SLC22A7: variants seen among roughly 807,000 people sequenced by gnomAD.
SLC22A7 encodes hOAT2.
SLC22A7 carries 48 observed loss-of-function variants against 62.2 expected under a neutral mutation model. The ratio of observed to expected loss-of-function variants is 0.77; its 90% CI spans 0.61 to 0.98. SLC22A7 has a LOEUF of 0.98. Among genes scored for constraint, SLC22A7 ranks in the 50% least tolerant of loss-of-function variants. The probability of loss-of-function intolerance (pLI) is 0.00; values close to 1 mark genes in which losing one functional copy is unlikely to be tolerated. For missense variants in SLC22A7, 581 were observed against 703.8 expected (o/e 0.83, Z 1.97); for synonymous variants, 276 against 314.8 (o/e 0.88, Z 1.30).
At chr6:43,296,361 T>C (rs1266007825), upstream of SLC22A7, among the ~76,000 whole-genome samples, 1 of 152,270 alleles carries the variant, frequency 6.6e-6, no homozygotes, top group Admixed American at 6.5e-5. Flanking sequence ...TTGGCCTCGT[T>C]AGCTGTCTTC....
chr6:43,297,400 A>G (rs1210262926), upstream of SLC22A7, among the ~76,000 whole-genome samples: 1 of 152,250 alleles, frequency 6.6e-6, no homozygotes, highest in Non-Finnish European at 1.5e-5. Flanking sequence ...TCAGATGAGA[A>G]TAAACCAGAC....
rs777640999 is a variant in SLC22A7 at position 43,299,135 on chromosome 6, G to A, written c.399+38G>A. ...ATAATCCATCTGGAGGTGGAATGTC[G>A]GTGGAGGCAGTCTCCCTGGGAGGCA... On this transcript the variant is annotated intron_variant, in intron 2 of 10. Coordinates refer to ENST00000372585, the MANE Select transcript of SLC22A7 (RefSeq NM_153320.2). The surrounding 1 kb of genome is among the most constrained non-coding windows in gnomAD (Gnocchi z 4.4). 34 of 1,613,880 alleles carry A rather than the reference G, an allele frequency of 2.1e-5. No individual in the cohort carries two copies. The highest frequency in any genetic ancestry group is 1.2e-4 in the South Asian group (11 of 91,066).
chr6:43,302,591 C>A lies in SLC22A7; in HGVS notation c.1277-64C>A. The A allele has an allele frequency of 7.6e-7, 1 of 1,320,466 alleles. No individual in the cohort carries two copies. Among genetic ancestry groups the A allele is most frequent in the Non-Finnish European group, 1.1e-6 (1 of 937,132 alleles). 81.8% of individuals were successfully genotyped at this position (1,320,466 alleles called of 1,614,324 possible). On this transcript the variant is annotated intron_variant, in intron 8 of 10. Coordinates refer to ENST00000372585, the MANE Select transcript of SLC22A7 (RefSeq NM_153320.2). The surrounding 1 kb of genome is among the most constrained non-coding windows in gnomAD (Gnocchi z 5.0). ...TGGCCCACTCTGGAGACTCCGCACC[C>A]TATCCAGAACACCCCTGGCTCTCCT...
Position 43,302,910 on chromosome 6 carries a change from T to G in SLC22A7, c.1385+147T>G, listed in dbSNP as rs1778805879. ...TTGGTAGAGACGGGGTCTTGCTATA[T>G]TACCCAGACTGGTCTCAAACTCCTG... is the stretch of plus-strand genomic sequence containing the variant. On this transcript the variant is annotated intron_variant, in intron 9 of 10. Transcript: ENST00000372585. This position sits in a 1 kb window ranked among gnomAD's most constrained non-coding sequence, Gnocchi z 5.0. The G allele has an allele frequency of 3.0e-6, 2 of 668,374 alleles. No individual in the cohort carries two copies. The highest frequency in any genetic ancestry group is 3.6e-5 in the African/African-American group (2 of 54,962). 41.4% of individuals were successfully genotyped at this position (668,374 alleles called of 1,614,324 possible).
At chr6:43,298,773 G>C (rs1434672352) in intron 1 of SLC22A7, 22 bp downstream of exon 1, 9 of 1,515,134 alleles carry the variant, frequency 5.9e-6, no homozygotes, top group Non-Finnish European at 6.2e-6. Context: ...CAGAAGTTGA[G>C]AGACATGTGA....
In SLC22A7 at chr6:43,299,246, C is replaced by A; in HGVS notation, c.400-144C>A. 2 of 1,608,898 alleles carry A rather than the reference C, an allele frequency of 1.2e-6. No individual in the cohort carries two copies. Among genetic ancestry groups the A allele is most frequent in the South Asian group, 1.1e-5 (1 of 90,364 alleles). Reference sequence around the variant, plus strand: ...TCCTATTCCCCAAGCTGGCGTGAATCGTTGGGAGGTTTATTATCTGGCATG... The same window carrying A: ...TCCTATTCCCCAAGCTGGCGTGAATAGTTGGGAGGTTTATTATCTGGCATG... On this transcript the variant is annotated intron_variant, in intron 2 of 10. Coordinates refer to ENST00000372585, the MANE Select transcript of SLC22A7 (RefSeq NM_153320.2). This position sits in a 1 kb window ranked among gnomAD's most constrained non-coding sequence, Gnocchi z 4.4.
chr6:43,299,404 T>C lies in SLC22A7; in HGVS notation c.414T>C (p.Cys138=). The part of the protein sequence containing the change: ...IATESQWDLV[C]EQKGLNRAAS... ...TGTCCTTGCAGTGGGATCTGGTGTGTGAGCAGAAAGGTCTGAACAGAGCTG... is the reference window on the plus strand; with the variant it reads ...TGTCCTTGCAGTGGGATCTGGTGTGCGAGCAGAAAGGTCTGAACAGAGCTG... Residue 138 remains cysteine, a synonymous_variant, in exon 3 of 11, where the codon TGT becomes TGC. Coordinates refer to ENST00000372585, the MANE Select transcript of SLC22A7 (RefSeq NM_153320.2). The surrounding 1 kb of genome is among the most constrained non-coding windows in gnomAD (Gnocchi z 4.4). 1 of 1,614,202 alleles carries C rather than the reference T, an allele frequency of 6.2e-7. No homozygotes were observed. Among genetic ancestry groups the C allele is most frequent in the East Asian group, 2.2e-5 (1 of 44,890 alleles).
rs559761002 is a variant in SLC22A7, at chr6:43,302,792, T to C, written c.1385+29T>C. 32 of 1,462,182 alleles carry C rather than the reference T, an allele frequency of 2.2e-5. No homozygotes were observed. Among genetic ancestry groups the C allele is most frequent in the Non-Finnish European group, 2.9e-5 (30 of 1,050,166 alleles). 90.6% of individuals were successfully genotyped at this position (1,462,182 alleles called of 1,614,324 possible). ...AGGAAGCCTGCAACTGATCTGGGGG[T>C]ATGGGGCTTGTTAGTCACGTGTCTT... is the stretch of plus-strand genomic sequence containing the variant. On this transcript the variant is annotated intron_variant, in intron 9 of 10. Coordinates refer to ENST00000372585, the MANE Select transcript of SLC22A7 (RefSeq NM_153320.2). The surrounding 1 kb of genome is among the most constrained non-coding windows in gnomAD (Gnocchi z 5.0).
chr6:43,301,153 A>C lies in SLC22A7; in HGVS notation c.846A>C (p.Ala282=), dbSNP rs920491791. ...TTCCTAGGTGGGTGCCTGAGTCTGCACGCTGGCTTCTGACCCAAGGCCATG... is the reference window on the plus strand; with the variant it reads ...TTCCTAGGTGGGTGCCTGAGTCTGCCCGCTGGCTTCTGACCCAAGGCCATG... ...ILSLWWVPES[A]RWLLTQGHVK... The change falls in exon 6 of 11, where the codon GCA becomes GCC. Residue 282 remains alanine (A), a synonymous_variant. Coordinates refer to ENST00000372585, the MANE Select transcript of SLC22A7 (RefSeq NM_153320.2). 12 of 1,614,124 alleles carry C rather than the reference A, an allele frequency of 7.4e-6. No homozygotes were observed. The highest frequency in any genetic ancestry group is 1.0e-5 in the Non-Finnish European group (12 of 1,180,010).
In SLC22A7 at chr6:43,299,499, G is replaced by T; in HGVS notation, c.503+6G>T. 1 of 1,610,268 alleles carries T rather than the reference G, an allele frequency of 6.2e-7. No individual in the cohort carries two copies. Among genetic ancestry groups the T allele is most frequent in the East Asian group, 2.2e-5 (1 of 44,860 alleles). On this transcript the variant is annotated splice_donor_region_variant and intron_variant, in intron 3 of 10. Coordinates refer to ENST00000372585, the MANE Select transcript of SLC22A7 (RefSeq NM_153320.2). This position sits in a 1 kb window ranked among gnomAD's most constrained non-coding sequence, Gnocchi z 4.4. ...TTTGGATATCTGTCCGACAGGTGGGGTGAGGCACTGGGCCAATAAGAAACT... is the reference window on the plus strand; with the variant it reads ...TTTGGATATCTGTCCGACAGGTGGGTTGAGGCACTGGGCCAATAAGAAACT...
rs1357275914 is a variant in SLC22A7, at chr6:43,302,198, A to G, written c.1062-2A>G. On this transcript the variant is annotated splice_acceptor_variant, in intron 7 of 10. Transcript: ENST00000372585. LOFTEE classifies it high-confidence loss of function. This position sits in a 1 kb window ranked among gnomAD's most constrained non-coding sequence, Gnocchi z 5.0. ...GCCAAGTGGCACTGAGACTCCTTTC[A>G]GGTTCGGAGTGAACTTCTCCTATTA... 1.3e-6 allele frequency: 2 copies of G among 1,564,158 alleles called. No individual in the cohort carries two copies. Among genetic ancestry groups the G allele is most frequent in the South Asian group, 1.2e-5 (1 of 84,398 alleles).
In SLC22A7 at chr6:43,299,116, C is replaced by T; in HGVS notation, c.399+19C>T. On this transcript the variant is annotated intron_variant, in intron 2 of 10. Coordinates refer to ENST00000372585, the MANE Select transcript of SLC22A7 (RefSeq NM_153320.2). The surrounding 1 kb of genome is among the most constrained non-coding windows in gnomAD (Gnocchi z 4.4). The stretch of plus-strand genomic sequence containing the variant: ...GTCCCAGGTCGGTATTTACATAATC[C>T]ATCTGGAGGTGGAATGTCGGTGGAG... 6.2e-7 allele frequency: 1 copy of T among 1,613,410 alleles called. No homozygotes were observed. Among genetic ancestry groups the T allele is most frequent in the South Asian group, 1.1e-5 (1 of 90,982 alleles).
Position 43,302,447 on chromosome 6 carries a change from A to C in SLC22A7, c.1276+33A>C. 6.7e-7 allele frequency: 1 copy of C among 1,498,066 alleles called. No homozygotes were observed. Among genetic ancestry groups the C allele is most frequent in the Non-Finnish European group, 8.9e-7 (1 of 1,118,792 alleles). 92.8% of individuals were successfully genotyped at this position (1,498,066 alleles called of 1,614,324 possible). A position where few individuals can be genotyped will look rare whatever the true frequency, so the allele number is the denominator to read the frequency against. ...CAGTCCCATAGGTTCTGCCCACCCCAGAAGCCGGGCCAGGAACCCTGCCCA... is the reference window on the plus strand; with the variant it reads ...CAGTCCCATAGGTTCTGCCCACCCCCGAAGCCGGGCCAGGAACCCTGCCCA... On this transcript the variant is annotated intron_variant, in intron 8 of 10. Transcript: ENST00000372585. This position sits in a 1 kb window ranked among gnomAD's most constrained non-coding sequence, Gnocchi z 5.0.
At position 43,299,995 on chromosome 6, in the gene SLC22A7, C is replaced by T. The variant is rs1029296081; in HGVS notation, c.756C>T (p.Tyr252=). The T allele has an allele frequency of 1.2e-6, 2 of 1,614,054 alleles. No individual in the cohort carries two copies. The highest frequency in any genetic ancestry group is 1.7e-6 in the Non-Finnish European group (2 of 1,180,028). ...TGATGCTGCTGGCACTGGTTGGGTA[C>T]CTGATACGGGACTGGCGATGGCTTC... is the stretch of plus-strand genomic sequence containing the variant. ...GGVMLLALVG[Y]LIRDWRWLLL... The change falls in exon 5 of 11, where the codon TAC becomes TAT. Residue 252 remains tyrosine (Y), a synonymous_variant. Transcript: ENST00000372585. The surrounding 1 kb of genome is among the most constrained non-coding windows in gnomAD (Gnocchi z 4.4).
At position 43,299,165 on chromosome 6, in the gene SLC22A7, G is replaced by T. The variant is rs536409578; in HGVS notation, c.399+68G>T. On this transcript the variant is annotated intron_variant, in intron 2 of 10. Coordinates refer to ENST00000372585, the MANE Select transcript of SLC22A7 (RefSeq NM_153320.2). This position sits in a 1 kb window ranked among gnomAD's most constrained non-coding sequence, Gnocchi z 4.4. ...AGGCAGTCTCCCTGGGAGGCAGCAGGTCGAGGCCTTCCTTGGGAAGAAGCT... is the reference window on the plus strand; with the variant it reads ...AGGCAGTCTCCCTGGGAGGCAGCAGTTCGAGGCCTTCCTTGGGAAGAAGCT... 2 of 1,614,214 alleles carry T rather than the reference G, an allele frequency of 1.2e-6. No homozygotes were observed. The highest frequency in any genetic ancestry group is 8.5e-7 in the Non-Finnish European group (1 of 1,180,018).
chr6:43,298,857 T>C (rs1778631061), intron 1 of SLC22A7, 106 bp downstream of exon 1: 1 of 1,457,176 alleles, frequency 6.9e-7, no homozygotes. Context: ...TCTTAAAGTC[T>C]CAGTTTACCA....
In SLC22A7 at chr6:43,298,448, G is replaced by T. The variant is rs1445372469; in HGVS notation, c.90G>T (p.Leu30=). The T allele has an allele frequency of 2.5e-6, 4 of 1,613,842 alleles. No individual in the cohort carries two copies. The Admixed American group carries it at 5.0e-5, about 20-fold the overall frequency. ...CACTGCTGGCCCTGCCCCGAGTGCT[G>T]CTACCACTGCACTTCCTCCTGCCCA... The part of the protein sequence containing the change: ...NVALLALPRV[L]LPLHFLLPIF... Residue 30 remains leucine (L), a synonymous_variant, in exon 1 of 11, where the codon CTG becomes CTT. Coordinates refer to ENST00000372585, the MANE Select transcript of SLC22A7 (RefSeq NM_153320.2).
chr6:43,296,141 GTGACCCACCCGCCT>G (rs1778560827), upstream of SLC22A7, among the ~76,000 whole-genome samples: 1 of 152,208 alleles, frequency 6.6e-6, no homozygotes, highest in Non-Finnish European at 1.5e-5. Flanking sequence ...CTGACCTCAG[GTGACCCACCCGCCT>G]TGGCCTCCCA....
chr6:43,302,219 T>C lies in SLC22A7; in HGVS notation c.1081T>C (p.Tyr361His). ...TTTCAGGTTCGGAGTGAACTTCTCC[T>C]ATTACGGCCTGAGTCTGGATGTGTC... ...VVVWFGVNFS[Y>H]YGLSLDVSGL... The change falls in exon 8 of 11, where the codon TAT (tyrosine) becomes CAT (histidine). Residue 361 changes from tyrosine to histidine, a missense_variant. Coordinates refer to ENST00000372585, the MANE Select transcript of SLC22A7 (RefSeq NM_153320.2). This position sits in a 1 kb window ranked among gnomAD's most constrained non-coding sequence, Gnocchi z 5.0. 6.3e-7 allele frequency: 1 copy of C among 1,588,476 alleles called. No individual in the cohort carries two copies. Among genetic ancestry groups the C allele is most frequent in the Non-Finnish European group, 8.6e-7 (1 of 1,163,390 alleles).
Sources: allele counts gnomAD v4.1 joint callset (sites outside exome capture counted in the v4.1 genomes callset), GRCh38; gene constraint gnomAD v4.1.1; non-coding constraint Gnocchi (gnomAD v3.1); transcripts MANE v1.5; gene names NCBI Gene and HGNC (gene_info 2026-07-23, HGNC 2026-07-21).